ALMS1: variants seen among roughly 807,000 people sequenced by gnomAD.
ALMS1 encodes the protein centrosome-associated protein ALMS1.
Under a neutral mutation model 352.2 loss-of-function variants are expected in ALMS1, and 271 were observed. That is an observed-to-expected ratio of 0.77 (90% CI 0.70 to 0.85). The LOEUF is 0.85. Among genes scored for constraint, ALMS1 ranks in the 40% least tolerant of loss-of-function variants. The pLI, the probability that ALMS1 is intolerant of heterozygous loss-of-function variation, is 0.00. For missense variants in ALMS1, 5,445 were observed against 4,870.7 expected (o/e 1.12, Z -3.51); for synonymous variants, 1,865 against 1,761.2 (o/e 1.06, Z -1.48).
At chr2:73,585,259 T>A (rs1675284395) in intron 16 of ALMS1, among the ~76,000 whole-genome samples, 1 of 152,216 alleles carries the variant, frequency 6.6e-6, no homozygotes, top group Non-Finnish European at 1.5e-5. Flanking sequence ...GTAAAAATAT[T>A]CCCTTTTCAC....
chr2:73,478,093 G>A (rs908132370), intron 9 of ALMS1, among the ~76,000 whole-genome samples: 6 of 152,102 alleles, frequency 3.9e-5, no homozygotes, highest in African/African-American at 7.2e-5. Flanking sequence ...TTATGTTAGC[G>A]CTGAGTCTTT....
intron 3 of ALMS1, among the ~76,000 whole-genome samples, chr2:73,422,386 C>A (rs904434488): frequency 6.6e-6 from 1 of 151,918 alleles, no homozygotes; most frequent in African/African-American, 2.4e-5. Context: ...TTAGGTACCC[C>A]CTAAGAGTGT....
In ALMS1 at chr2:73,452,713, G is replaced by A. The variant is rs761590327; in HGVS notation, c.6186G>A (p.Leu2062=). 6.2e-7 allele frequency: 1 copy of A among 1,613,650 alleles called. No homozygotes were observed. Among genetic ancestry groups the A allele is most frequent in the Non-Finnish European group, 8.5e-7 (1 of 1,179,970 alleles). Reference sequence around the variant, plus strand: ...CCAATATTTTATTTCAACAGCAGTTGCCAGATAGAGATCAAAGTAAAGGTA... The same window carrying A: ...CCAATATTTTATTTCAACAGCAGTTACCAGATAGAGATCAAAGTAAAGGTA... The part of the protein sequence containing the change: ...VKPNILFQQQ[L]PDRDQSKGIL... Residue 2062 remains leucine (L), a synonymous_variant, in exon 8 of 23, where the codon TTG becomes TTA. Transcript: ENST00000613296.
In ALMS1 at chr2:73,519,497, A is replaced by G. The variant is rs1017299742; in HGVS notation, c.9540-278A>G. On this transcript the variant is annotated intron_variant, in intron 10 of 22. Transcript: ENST00000613296. ...AGTAATTTAAAAAAATGTATTTTCA[A>G]TTCAGCTGAAAAATAGCATTTCCTC... 3.3e-5 allele frequency among the ~76,000 whole-genome samples: 5 copies of G among 152,276 alleles called. No individual in the cohort carries two copies. The South Asian group carries it at 6.2e-4, about 19-fold the overall frequency.
At chr2:73,447,807 T>C (rs1179223926) in intron 7 of ALMS1, among the ~76,000 whole-genome samples, 153 bp from the exon 8 acceptor site, 2 of 152,244 alleles carry the variant, frequency 1.3e-5, no homozygotes, top group Non-Finnish European at 2.9e-5. Context: ...CTAATTAATA[T>C]CTTTGTGTGC....
At position 73,513,316 on chromosome 2, in the gene ALMS1, C is replaced by T. The variant is rs1673490578; in HGVS notation, c.9540-6459C>T. Among the ~76,000 whole-genome samples, 3 of 152,132 alleles carry T rather than the reference C, an allele frequency of 2.0e-5. No homozygotes were observed. In the South Asian group the frequency reaches 6.2e-4, roughly 32 times the overall value. On this transcript the variant is annotated intron_variant, in intron 10 of 22. Transcript: ENST00000613296. The stretch of plus-strand genomic sequence containing the variant: ...CCTCAACGTATGGACACTCTCCCCA[C>T]CCCACGTAGGTTCTGACTCCCCATG...
chr2:73,526,127 A>T (rs1182752440), intron 11 of ALMS1, among the ~76,000 whole-genome samples: 1 of 152,030 alleles, frequency 6.6e-6, no homozygotes, highest in African/African-American at 2.4e-5. Flanking sequence ...GTTCTGTTTC[A>T]TTGGTTTATG....
At chr2:73,590,588 T>A (rs888862620) in intron 16 of ALMS1, among the ~76,000 whole-genome samples, 2 of 152,140 alleles carry the variant, frequency 1.3e-5, no homozygotes, top group Admixed American at 1.3e-4. Flanking sequence ...CCTTTGCCTG[T>A]TTTTCTCTGA....
intron 9 of ALMS1, among the ~76,000 whole-genome samples, chr2:73,475,141 T>C (rs969837635): frequency 1.3e-5 from 2 of 152,164 alleles, no homozygotes; most frequent in Admixed American, 6.6e-5. Context: ...TACTCATTAG[T>C]TGGTAGACAT....
rs376499348 is a variant in ALMS1 at position 73,493,308 on chromosome 2, A to G, written c.9539+1810A>G. 6.6e-5 allele frequency among the ~76,000 whole-genome samples: 10 copies of G among 151,764 alleles called. No homozygotes were observed. The East Asian group carries it at 1.7e-3, about 26-fold the overall frequency. ...AGCATTGGAGGTGGCATTTGAACCT[A>G]GGTTTATCAAACTCCACAGTCCATA... is the stretch of plus-strand genomic sequence containing the variant. On this transcript the variant is annotated intron_variant, in intron 10 of 22. Coordinates refer to ENST00000613296, the MANE Select transcript of ALMS1 (RefSeq NM_001378454.1).
intron 11 of ALMS1, among the ~76,000 whole-genome samples, chr2:73,531,043 C>T (rs1348473677): frequency 6.6e-6 from 1 of 152,256 alleles, no homozygotes; most frequent in Non-Finnish European, 1.5e-5. Flanking sequence ...CTGACATGCC[C>T]TGGAGACATT....
intron 16 of ALMS1, among the ~76,000 whole-genome samples, chr2:73,597,043 G>A (rs985875734): frequency 6.6e-6 from 1 of 151,842 alleles, no homozygotes. Context: ...ACAATTTTGA[G>A]ACTTCCAATC....
In ALMS1 at chr2:73,542,728, ACC is replaced by A. The variant is rs1674215727; in HGVS notation, c.9908-7538_9908-7537del. ...ATTCCTATACACCAATAGCAGACAA[ACC>A]GAGAGCCAAATCATGAGTGAACTCC... On this transcript the variant is annotated intron_variant, in intron 12 of 22. Transcript: ENST00000613296. 2.0e-5 allele frequency among the ~76,000 whole-genome samples: 3 copies of A among 152,300 alleles called. No homozygotes were observed. The East Asian group carries it at 5.8e-4, about 29-fold the overall frequency.
intron 9 of ALMS1, among the ~76,000 whole-genome samples, chr2:73,474,264 A>C (rs1672533922): frequency 1.3e-5 from 2 of 152,080 alleles, no homozygotes; most frequent in African/African-American, 4.8e-5. Flanking sequence ...TTTTTAAAAC[A>C]AGTGTTTCCA....
Position 73,602,380 on chromosome 2 carries a change from C to T in ALMS1, c.12298+12C>T. 2 of 1,613,998 alleles carry T rather than the reference C, an allele frequency of 1.2e-6. No individual in the cohort carries two copies. Among genetic ancestry groups the T allele is most frequent in the Non-Finnish European group, 1.7e-6 (2 of 1,179,952 alleles). On this transcript the variant is annotated intron_variant, in intron 20 of 22. Coordinates refer to ENST00000613296, the MANE Select transcript of ALMS1 (RefSeq NM_001378454.1). The stretch of plus-strand genomic sequence containing the variant: ...GCTGCCCAAGAGAGGTACGCCCTGC[C>T]CGTTCACTTTCCTGTGAGTGGAATA...
intron 16 of ALMS1, among the ~76,000 whole-genome samples, chr2:73,587,922 A>T (rs943295115): frequency 2.0e-4 from 31 of 152,226 alleles, no homozygotes; most frequent in African/African-American, 7.2e-4. Context: ...AATCTAGAGG[A>T]GATGATTAAA....
In ALMS1 at chr2:73,455,202, C is replaced by T. The variant is rs761997400; in HGVS notation, c.7581C>T (p.Tyr2527=). 6.2e-7 allele frequency: 1 copy of T among 1,613,320 alleles called. No homozygotes were observed. The highest frequency in any genetic ancestry group is 1.1e-5 in the South Asian group (1 of 90,620). Residue 2527 remains tyrosine, a synonymous_variant, in exon 9 of 23, where the codon TAC becomes TAT. Coordinates refer to ENST00000613296, the MANE Select transcript of ALMS1 (RefSeq NM_001378454.1). ...MKFNLAHDCG[Y]SISELNEDDR... ...TCAATTTAGCACATGATTGTGGATA[C>T]TCCATTTCAGAATTAAATGAAGATG...
At chr2:73,601,738 G>A (rs1356182654) in intron 19 of ALMS1, among the ~76,000 whole-genome samples, 4 of 152,254 alleles carry the variant, frequency 2.6e-5, no homozygotes, top group African/African-American at 4.8e-5. Flanking sequence ...GGGCCCGGAG[G>A]CCTGACGCTT....
Position 73,453,326 on chromosome 2 carries a change from A to T in ALMS1, c.6799A>T (p.Met2267Leu), listed in dbSNP as rs142904692. 9.9e-6 allele frequency: 16 copies of T among 1,613,948 alleles called. No individual in the cohort carries two copies. The South Asian group carries it at 1.1e-4, about 11-fold the overall frequency. Residue 2267 changes from methionine (M) to leucine (L), a missense_variant, in exon 8 of 23, where the codon ATG becomes TTG. Transcript: ENST00000613296. ...TCTTAAGGAAATTCGGACACTTTTG[A>T]TGGAGGCAGAAAATATGGCACTGAA... ...KTLKEIRTLL[M>L]EAENMALKRC...
Sources: gnomAD v4.1 joint callset for allele counts (sites outside exome capture counted in the v4.1 genomes callset) on GRCh38, gnomAD v4.1.1 for gene constraint, MANE v1.5 for transcripts, NCBI Gene and HGNC (gene_info 2026-07-23, HGNC 2026-07-21) for gene names.